SCML4: variants seen among roughly 807,000 people sequenced by gnomAD.
SCML4 encodes the protein sex comb on midleg-like protein 4.
Under a neutral mutation model 41.1 loss-of-function variants are expected in SCML4, and 34 were observed. That is an observed-to-expected ratio of 0.83 (90% CI 0.63 to 1.10). SCML4 has a LOEUF of 1.10. Ranked by LOEUF, SCML4 falls within the 50% of genes least tolerant of loss-of-function variation. The pLI, the probability that SCML4 is intolerant of heterozygous loss-of-function variation, is 0.00. For synonymous variants in SCML4, 214 were observed against 220.9 expected, an observed-to-expected ratio of 0.97 and a Z score of 0.28; for missense variants, 522 against 534.1, an observed-to-expected ratio of 0.98 and a Z score of 0.22.
In SCML4 at chr6:107,744,737, C is replaced by A. The variant is rs78465925; in HGVS notation, c.682+212G>T. Among the ~76,000 whole-genome samples the A allele has an allele frequency of 4.3e-3, 651 of 152,328 alleles. 9 individuals are homozygous for A. In the East Asian group the frequency reaches 0.063, roughly 15 times the overall value. The stretch of plus-strand genomic sequence containing the variant: ...TGTCAGCTCTTAATAGCTGGAGGGA[C>A]CACTTCCCTCTGCAGCCTGGGGTGG... On this transcript the variant is annotated intron_variant, in intron 5 of 7. Transcript: ENST00000369020.
At chr6:107,737,637 G>A (rs554331308) in intron 5 of SCML4, among the ~76,000 whole-genome samples, 4 of 152,070 alleles carry the variant, frequency 2.6e-5, no homozygotes, top group African/African-American at 9.7e-5. Flanking sequence ...ATCACTCAGG[G>A]TGTGGCCCCC....
At chr6:107,815,551 G>A (rs1180626418) in intron 1 of SCML4, among the ~76,000 whole-genome samples, 5 of 152,186 alleles carry the variant, frequency 3.3e-5, no homozygotes, top group African/African-American at 1.2e-4. Context: ...ACCCGCAGCA[G>A]CTCATGTTAT....
At position 107,802,637 on chromosome 6, in the gene SCML4, A is replaced by AGG. The variant is rs1562273037; in HGVS notation, c.-60+21488_-60+21489insCC. ...AAGGAAGGAAGGAAGGAAGGAAGGA[A>AGG]AGAAAATTGGAAAGGCTCCTCCTCT... is the stretch of plus-strand genomic sequence containing the variant. On this transcript the variant is annotated intron_variant, in intron 1 of 7. Transcript: ENST00000369020. Among the ~76,000 whole-genome samples the AGG allele has an allele frequency of 5.5e-3, 510 of 93,014 alleles. 1 individual carries two copies. Among genetic ancestry groups the AGG allele is most frequent in the African/African-American group, 8.8e-3 (185 of 21,042 alleles). 61.0% of individuals were successfully genotyped at this position (93,014 alleles called of 152,430 possible).
At chr6:107,746,026 A>AAAG (rs1401170976) in intron 4 of SCML4, 4 of 148,830 alleles carry the variant, frequency 2.7e-5, no homozygotes, top group African/African-American at 1.0e-4. Flanking sequence ...ATAAATAAAT[A>AAAG]AAAGAATGGA....
At chr6:107,715,406 T>G (rs1437367435) in intron 6 of SCML4, among the ~76,000 whole-genome samples, 1 of 150,608 alleles carries the variant, frequency 6.6e-6, no homozygotes, top group Admixed American at 6.6e-5. Flanking sequence ...CCAGGCCCTA[T>G]CAAATAAAAA....
chr6:107,721,853 C>A (rs1281973001), intron 5 of SCML4, among the ~76,000 whole-genome samples: 1 of 152,188 alleles, frequency 6.6e-6, no homozygotes, highest in Non-Finnish European at 1.5e-5. Context: ...TCTGGATAGC[C>A]CCACAATCCT....
At chr6:107,779,988 G>A (rs768567951) in intron 1 of SCML4, among the ~76,000 whole-genome samples, 3 of 152,138 alleles carry the variant, frequency 2.0e-5, no homozygotes, top group Non-Finnish European at 4.4e-5. Flanking sequence ...ACACATAAAT[G>A]ATATCTGTAC....
chr6:107,781,384 C>T (rs1463992112), intron 1 of SCML4, among the ~76,000 whole-genome samples: 2 of 152,166 alleles, frequency 1.3e-5, no homozygotes, highest in Non-Finnish European at 2.9e-5. Flanking sequence ...TAGTGGTTCA[C>T]GCCTGTAATC....
chr6:107,740,815 G>A (rs1777532203), intron 5 of SCML4, among the ~76,000 whole-genome samples: 1 of 152,206 alleles, frequency 6.6e-6, no homozygotes, highest in Non-Finnish European at 1.5e-5. Context: ...TGAAGAATCA[G>A]CTTTAAACAT....
chr6:107,833,828 A>G, the SCML4 span, among the ~76,000 whole-genome samples: 5 of 152,192 alleles, frequency 3.3e-5, no homozygotes, highest in Non-Finnish European at 7.3e-5. Context: ...TGGCTTGACC[A>G]TGTCCATGAC....
chr6:107,744,851 C>T (rs1777916670), intron 5 of SCML4, 98 bp downstream of exon 5: 2 of 1,024,590 alleles, frequency 2.0e-6, no homozygotes, highest in East Asian at 2.6e-5. Context: ...AGTGGCAGAA[C>T]TGCCAGGAGC....
At chr6:107,777,268 C>T (rs1242186421) in intron 1 of SCML4, among the ~76,000 whole-genome samples, 1 of 152,168 alleles carries the variant, frequency 6.6e-6, no homozygotes, top group Non-Finnish European at 1.5e-5. Flanking sequence ...CAGGTGCTGG[C>T]CATCACGCCT....
chr6:107,785,550 C>T (rs1781823023), intron 1 of SCML4, among the ~76,000 whole-genome samples: 1 of 152,166 alleles, frequency 6.6e-6, no homozygotes, highest in East Asian at 1.9e-4. Flanking sequence ...ACCTCCCAAG[C>T]CTCCCACACT....
chr6:107,743,668 G>A (rs1745859162), intron 5 of SCML4, among the ~76,000 whole-genome samples: 1 of 152,154 alleles, frequency 6.6e-6, no homozygotes, highest in African/African-American at 2.4e-5. Context: ...CACATGCAGA[G>A]ACATCAAGAA....
intron 1 of SCML4, among the ~76,000 whole-genome samples, chr6:107,797,741 A>G (rs1187707803): frequency 6.6e-6 from 1 of 151,908 alleles, no homozygotes. Context: ...TATTTAAAGT[A>G]TGATGTTATC....
intron 1 of SCML4, among the ~76,000 whole-genome samples, chr6:107,810,053 G>T (rs1437986159): frequency 6.6e-6 from 1 of 152,160 alleles, no homozygotes; most frequent in Non-Finnish European, 1.5e-5. Context: ...ACAGAGAGAG[G>T]CTGGCTGCTC....
At chr6:107,728,297 T>C (rs1337351004) in intron 5 of SCML4, among the ~76,000 whole-genome samples, 3 of 152,126 alleles carry the variant, frequency 2.0e-5, no homozygotes, top group African/African-American at 4.8e-5. Context: ...CAAGGGAACA[T>C]GCACTGAATG....
At chr6:107,802,870 A>C (rs968440229) in intron 1 of SCML4, among the ~76,000 whole-genome samples, 7 of 151,710 alleles carry the variant, frequency 4.6e-5, no homozygotes, top group African/African-American at 1.5e-4. Context: ...CAGCCTGCCG[A>C]GTGCCTGCGA....
chr6:107,721,056 C>T, intron 5 of SCML4, 63 bp from the exon 6 acceptor site: 5 of 1,512,470 alleles, frequency 3.3e-6, no homozygotes, highest in Non-Finnish European at 4.4e-6. Flanking sequence ...CTATCAGACC[C>T]TCCGTCTTGG....
Sources: gnomAD v4.1 joint callset for allele counts (sites outside exome capture counted in the v4.1 genomes callset) on GRCh38, gnomAD v4.1.1 for gene constraint, MANE v1.5 for transcripts, NCBI Gene and HGNC (gene_info 2026-07-23, HGNC 2026-07-21) for gene names.